The following ZNF667 variants were observed in gnomAD, a reference collection of about 807,000 sequenced individuals.
ZNF667 encodes myocardial ischemic preconditioning upregulated 1 ortholog.
A neutral mutation model predicts 31.8 loss-of-function variants in ZNF667; 13 were observed. That is an observed-to-expected ratio of 0.41 (90% CI 0.27 to 0.65). The LOEUF (loss-of-function observed/expected upper bound fraction) is 0.65, where lower values mean the gene tolerates loss of function less well. Among genes scored for constraint, ZNF667 ranks in the 30% least tolerant of loss-of-function variants. The pLI, the probability that ZNF667 is intolerant of heterozygous loss-of-function variation, is 0.32. For missense variants in ZNF667, 642 were observed against 725.6 expected (o/e 0.88, Z 1.32); for synonymous variants, 228 against 247.1 (o/e 0.92, Z 0.73).
chr19:56,467,883 T>A (rs770076784), intron 3 of ZNF667: 3 of 152,242 alleles, frequency 2.0e-5, no homozygotes, highest in African/African-American at 2.4e-5. Flanking sequence ...CAGAAGCTCT[T>A]CAAACCCTGT....
chr19:56,467,037 G>T (rs911868008), intron 3 of ZNF667: 4 of 456,454 alleles, frequency 8.8e-6, no homozygotes, highest in Admixed American at 2.4e-5. Context: ...TTATGGTCTG[G>T]ATTGGGACCC....
intron 6 of ZNF667, among the ~76,000 whole-genome samples, chr19:56,457,481 CCTCTCT>C (rs2042957991): frequency 6.6e-6 from 1 of 151,944 alleles, no homozygotes; most frequent in Non-Finnish European, 1.5e-5. Context: ...AGTCAACAAA[CCTCTCT>C]GGGCCTGTTT....
intron 1 of ZNF667, among the ~76,000 whole-genome samples, chr19:56,476,573 T>TAACA (rs1206135669): frequency 6.6e-6 from 1 of 152,186 alleles, no homozygotes; most frequent in Non-Finnish European, 1.5e-5. Flanking sequence ...ATCTTCCCAA[T>TAACA]AACACCCAGG....
intron 3 of ZNF667, chr19:56,469,020 C>A (rs143369626): frequency 6.6e-6 from 1 of 152,348 alleles, no homozygotes; most frequent in East Asian, 1.9e-4. Context: ...AACACAGTGA[C>A]CCTTCCACTA....
At position 56,440,138 on chromosome 19, in the gene ZNF667, C is replaced by T. The variant is rs1196015576; in HGVS notation, c.*1024G>A. The T allele has an allele frequency of 1.3e-5, 2 of 152,190 alleles. No homozygotes were observed. Among genetic ancestry groups the T allele is most frequent in the Admixed American group, 1.3e-4 (2 of 15,278 alleles). The allele number at this position is 152,190 out of a possible 1,614,324, so 9.4% of individuals were successfully genotyped here. A position where few individuals can be genotyped will look rare whatever the true frequency, so the allele number is the denominator to read the frequency against. ...ATTCAGTCCATAACAACTCATATTACACCACTTATTGCATACCAGTATTGT... is the reference window on the plus strand; with the variant it reads ...ATTCAGTCCATAACAACTCATATTATACCACTTATTGCATACCAGTATTGT... On this transcript the variant is annotated 3_prime_UTR_variant, in exon 7 of 7. Transcript: ENST00000504904.
At chr19:56,444,061 A>C (rs1169953231) in intron 6 of ZNF667, 3 of 393,090 alleles carry the variant, frequency 7.6e-6, no homozygotes, top group Non-Finnish European at 1.3e-5. Context: ...CATTGTAAAA[A>C]TGCTGGTTAT....
chr19:56,476,861 C>G (rs1380954382), intron 1 of ZNF667: 1 of 153,036 alleles, frequency 6.5e-6, no homozygotes, highest in Non-Finnish European at 1.5e-5. Context: ...GACACTGACA[C>G]ACGCACACAC....
At chr19:56,468,332 A>G (rs966883848) in intron 3 of ZNF667, 1 of 152,262 alleles carries the variant, frequency 6.6e-6, no homozygotes, top group Non-Finnish European at 1.5e-5. Flanking sequence ...AGACCAAGGC[A>G]TAAGTGACTA....
At chr19:56,447,116 A>G (rs2042724591) in intron 6 of ZNF667, among the ~76,000 whole-genome samples, 1 of 152,104 alleles carries the variant, frequency 6.6e-6, no homozygotes, top group African/African-American at 2.4e-5. Context: ...AAAAATTATA[A>G]TGTGAATGCC....
intron 4 of ZNF667, among the ~76,000 whole-genome samples, chr19:56,461,147 G>A (rs541794891): frequency 2.0e-4 from 30 of 152,196 alleles, no homozygotes; most frequent in Admixed American, 1.4e-3. Flanking sequence ...CACTGTCAGC[G>A]GAATCACAGT....
intron 3 of ZNF667, among the ~76,000 whole-genome samples, chr19:56,463,963 TA>T (rs768961992): frequency 2.0e-5 from 3 of 152,218 alleles, no homozygotes; most frequent in Non-Finnish European, 4.4e-5. Flanking sequence ...CGTAAAACTT[TA>T]AAGTATGTCT....
At chr19:56,466,400 A>G (rs2043160627) in intron 3 of ZNF667, among the ~76,000 whole-genome samples, 1 of 152,126 alleles carries the variant, frequency 6.6e-6, no homozygotes, top group Non-Finnish European at 1.5e-5. Context: ...GCGAACAGTC[A>G]TTCTGCAACA....
intron 4 of ZNF667, among the ~76,000 whole-genome samples, chr19:56,461,275 C>T (rs2043039488): frequency 6.6e-6 from 1 of 152,192 alleles, no homozygotes; most frequent in Admixed American, 6.5e-5. Context: ...AATCTCCTAA[C>T]CACTTGCTCT....
rs146015022 is a variant in ZNF667 at position 56,444,423 on chromosome 19, T to C, written c.254-1682A>G. The C allele has an allele frequency of 1.3e-4, 53 of 393,882 alleles. No homozygotes were observed. The East Asian group carries it at 1.8e-3, about 14-fold the overall frequency. 24.4% of individuals were successfully genotyped at this position (393,882 alleles called of 1,614,324 possible). On this transcript the variant is annotated intron_variant, in intron 6 of 6. Coordinates refer to ENST00000504904, the MANE Select transcript of ZNF667 (RefSeq NM_001321356.2). ...TATTGCTAAGACACCACCAAGGGAA[T>C]GGTGCTAAGCCATTCATGAGAAACC...
intron 3 of ZNF667, among the ~76,000 whole-genome samples, chr19:56,467,293 C>G (rs909398352): frequency 4.6e-5 from 7 of 152,098 alleles, no homozygotes; most frequent in African/African-American, 1.7e-4. Flanking sequence ...TCTCCAGAAC[C>G]CATGAATATG....
At chr19:56,477,598 C>G (rs932406355), upstream of ZNF667, 1 of 152,568 alleles carries the variant, frequency 6.6e-6, no homozygotes, top group African/African-American at 2.4e-5. Flanking sequence ...GCACACCGGT[C>G]TCCTAGGGGA....
At chr19:56,477,901 T>G (rs1006565734), upstream of ZNF667, 1 of 152,550 alleles carries the variant, frequency 6.6e-6, no homozygotes, top group East Asian at 1.9e-4. Flanking sequence ...AGCGAGGCTG[T>G]GGAAAGTCCC....
chr19:56,473,116 G>C (rs1041643462), intron 2 of ZNF667: 2 of 152,194 alleles, frequency 1.3e-5, no homozygotes, highest in African/African-American at 4.8e-5. Context: ...CACAATGAGA[G>C]ACACACAAAG....
intron 6 of ZNF667, among the ~76,000 whole-genome samples, chr19:56,446,527 G>C (rs2042713735): frequency 6.6e-6 from 1 of 152,262 alleles, no homozygotes; most frequent in Admixed American, 6.5e-5. Flanking sequence ...TCCAGCCCCT[G>C]CTGGGTATGT....
Sources: gnomAD v4.1 joint callset for allele counts (sites outside exome capture counted in the v4.1 genomes callset) on GRCh38, gnomAD v4.1.1 for gene constraint, MANE v1.5 for transcripts, NCBI Gene and HGNC (gene_info 2026-07-23, HGNC 2026-07-21) for gene names.